Variants in MAX observed in about 807,000 individuals in gnomAD.
MAX encodes protein max.
Under a neutral mutation model 22.3 loss-of-function variants are expected in MAX, and 3 were observed. The observed-to-expected ratio is 0.13, with a 90% CI of 0.06 to 0.35. The LOEUF (loss-of-function observed/expected upper bound fraction) is 0.35. Among genes scored for constraint, MAX ranks in the 10% least tolerant of loss-of-function variants. MAX has a pLI of 1.00. For missense variants in MAX, 119 were observed against 209.4 expected, an observed-to-expected ratio of 0.57 and a Z score of 2.66; for synonymous variants, 72 against 77.7, an observed-to-expected ratio of 0.93 and a Z score of 0.39.
At chr14:65,040,494 A>G (rs886944106) in intron 3 of MAX, among the ~76,000 whole-genome samples, 4 of 151,904 alleles carry the variant, frequency 2.6e-5, no homozygotes, top group African/African-American at 9.7e-5. Flanking sequence ...GGGCTGGAGC[A>G]CAATGGTGTG....
intron 3 of MAX, among the ~76,000 whole-genome samples, chr14:65,017,612 AG>A (rs2061801996): frequency 6.6e-6 from 1 of 152,222 alleles, no homozygotes; most frequent in African/African-American, 2.4e-5. Flanking sequence ...TTTCATTGGA[AG>A]CAATCTAAAT....
chr14:65,044,091 T>C lies in MAX; in HGVS notation c.172-37807A>G, dbSNP rs2062420775. Among the ~76,000 whole-genome samples the C allele has an allele frequency of 6.6e-6, 1 of 152,180 alleles. No homozygotes were observed. Among genetic ancestry groups the C allele is most frequent in the East Asian group, 1.9e-4 (1 of 5,190 alleles). On this transcript the variant is annotated intron_variant, in intron 3 of 3. Transcript: ENST00000341653. The surrounding 1 kb of genome is among the most constrained non-coding windows in gnomAD (Gnocchi z 5.5). The stretch of plus-strand genomic sequence containing the variant: ...TTGTCTGCCAGGCATTGAGCAGAGA[T>C]CAGTGCTGGATGCCTCTACAGCGTT...
In MAX at chr14:65,023,385, C is replaced by T. The variant is rs542547220; in HGVS notation, c.172-17101G>A. On this transcript the variant is annotated intron_variant, in intron 3 of 3. Transcript: ENST00000341653. The surrounding 1 kb of genome is among the most constrained non-coding windows in gnomAD (Gnocchi z 4.1). ...TCAATCACTTTAGATCAGTCCTCAGCCATCACCTAAGAGTCCCAAGTAAAC... is the reference window on the plus strand; with the variant it reads ...TCAATCACTTTAGATCAGTCCTCAGTCATCACCTAAGAGTCCCAAGTAAAC... 1.3e-5 allele frequency among the ~76,000 whole-genome samples: 2 copies of T among 152,262 alleles called. No homozygotes were observed. Among genetic ancestry groups the T allele is most frequent in the African/African-American group, 4.8e-5 (2 of 41,554 alleles).
chr14:65,073,439 G>A (rs752200543), downstream of MAX, among the ~76,000 whole-genome samples: 56 of 152,106 alleles, frequency 3.7e-4, 1 homozygote, highest in Non-Finnish European at 2.6e-4. Context: ...TGGGGTTAGC[G>A]TATCAAGAAC....
rs1442539186 is a variant in MAX, at chr14:65,075,940, T to A, written c.*536A>T. Reference sequence around the variant, plus strand: ...GGATCTGGTCTTTCAATAGGAGCGATACATAGCTTTTTAGAAAAAGGAAAA... The same window carrying A: ...GGATCTGGTCTTTCAATAGGAGCGAAACATAGCTTTTTAGAAAAAGGAAAA... On this transcript the variant is annotated 3_prime_UTR_variant, in exon 5 of 5. Coordinates refer to ENST00000358664, the MANE Select transcript of MAX (RefSeq NM_002382.5). This position sits in a 1 kb window ranked among gnomAD's most constrained non-coding sequence, Gnocchi z 4.1. 2 of 1,072,874 alleles carry A rather than the reference T, an allele frequency of 1.9e-6. No individual in the cohort carries two copies. Among genetic ancestry groups the A allele is most frequent in the Non-Finnish European group, 2.3e-6 (2 of 883,692 alleles). The allele number at this position is 1,072,874 out of a possible 1,614,324, so 66.5% of individuals were successfully genotyped here. A position where few individuals can be genotyped will look rare whatever the true frequency, so the allele number is the denominator to read the frequency against.
chr14:65,069,872 C>G lies in MAX; in HGVS notation c.171+23836G>C, dbSNP rs1252481911. ...CCTTCCTCTCCAAAGTCTCCTACAG[C>G]CTTGCTGCAGTAGGTATTCGCTGTG... On this transcript the variant is annotated intron_variant, in intron 3 of 3. Coordinates refer to the MAX transcript ENST00000341653. This position sits in a 1 kb window ranked among gnomAD's most constrained non-coding sequence, Gnocchi z 4.6. 1.3e-5 allele frequency among the ~76,000 whole-genome samples: 2 copies of G among 152,246 alleles called. No homozygotes were observed. Among genetic ancestry groups the G allele is most frequent in the African/African-American group, 2.4e-5 (1 of 41,464 alleles).
downstream of MAX, among the ~76,000 whole-genome samples, chr14:65,074,616 A>G (rs1351266941): frequency 6.6e-6 from 1 of 152,246 alleles, no homozygotes; most frequent in Non-Finnish European, 1.5e-5. Flanking sequence ...TCCAAGGTCA[A>G]ACAAGTTCAG....
At position 65,088,192 on chromosome 14, in the gene MAX, G is replaced by C. The variant is rs1214116031; in HGVS notation, c.171+5516C>G. ...CAGCACGAAAACGGACTAATACAAG[G>C]GTGTATAGTAACTGGAAGGTTAATG... On this transcript the variant is annotated intron_variant, in intron 3 of 4. Coordinates refer to ENST00000358664, the MANE Select transcript of MAX (RefSeq NM_002382.5). The surrounding 1 kb of genome is among the most constrained non-coding windows in gnomAD (Gnocchi z 5.2). Among the ~76,000 whole-genome samples the C allele has an allele frequency of 6.6e-6, 1 of 152,094 alleles. No individual in the cohort carries two copies. The highest frequency in any genetic ancestry group is 1.5e-5 in the Non-Finnish European group (1 of 68,036).
chr14:65,021,889 G>T, intron 3 of MAX: 1 of 454,802 alleles, frequency 2.2e-6, no homozygotes, highest in Non-Finnish European at 4.4e-6. Context: ...TAAGTGATCC[G>T]CCCACGTCGG....
chr14:65,035,759 C>G (rs149181259), intron 3 of MAX, among the ~76,000 whole-genome samples: 1 of 152,006 alleles, frequency 6.6e-6, no homozygotes, highest in African/African-American at 2.4e-5. Context: ...GGCTTGAACT[C>G]CTGGGCTCAG....
rs2063158872 is a variant in MAX, at chr14:65,079,865, A to G, written c.172-1829T>C. ...GAATTTCCAGGCTTTCCTCTTTAGC[A>G]CCCTTAAGGTAATTTCCTCAAGGAA... On this transcript the variant is annotated intron_variant, in intron 3 of 4. Transcript: ENST00000358664. This position sits in a 1 kb window ranked among gnomAD's most constrained non-coding sequence, Gnocchi z 4.5. 6.6e-6 allele frequency among the ~76,000 whole-genome samples: 1 copy of G among 152,172 alleles called. No individual in the cohort carries two copies. Among genetic ancestry groups the G allele is most frequent in the Non-Finnish European group, 1.5e-5 (1 of 68,018 alleles).
intron 3 of MAX, among the ~76,000 whole-genome samples, chr14:65,087,204 A>G (rs115229125): frequency 0.017 from 2,630 of 152,326 alleles, 45 homozygotes; most frequent in African/African-American, 0.04. Context: ...CAGGGCCCTC[A>G]TGGAGGACCT....
At chr14:65,095,269 ATC>A (rs1222162606) in intron 2 of MAX, among the ~76,000 whole-genome samples, 1 of 152,190 alleles carries the variant, frequency 6.6e-6, no homozygotes, top group Non-Finnish European at 1.5e-5. Flanking sequence ...TCCATAGCAT[ATC>A]TCTCTTTTTG....
At position 65,009,411 on chromosome 14, in the gene MAX, C is replaced by T. The variant is rs114174194; in HGVS notation, c.172-3127G>A. 3.8e-3 allele frequency among the ~76,000 whole-genome samples: 571 copies of T among 152,228 alleles called. 3 individuals are homozygous for T. The highest frequency in any genetic ancestry group is 0.013 in the African/African-American group (531 of 41,528). ...GTAGATTCCCTAACACACCCACCAC[C>T]GTGGCCACTCCACAGCTCTCCCACC... is the stretch of plus-strand genomic sequence containing the variant. On this transcript the variant is annotated intron_variant, in intron 3 of 3. Coordinates refer to the MAX transcript ENST00000341653. The surrounding 1 kb of genome is among the most constrained non-coding windows in gnomAD (Gnocchi z 4.2).
chr14:65,088,455 T>A lies in MAX; in HGVS notation c.171+5253A>T, dbSNP rs1566614507. ...ACTTTAAAAAGATAATTGCCCAAGT[T>A]GGAGTCTGACTAGCTAATATAACCT... On this transcript the variant is annotated intron_variant, in intron 3 of 4. Coordinates refer to ENST00000358664, the MANE Select transcript of MAX (RefSeq NM_002382.5). This position sits in a 1 kb window ranked among gnomAD's most constrained non-coding sequence, Gnocchi z 5.2. Among the ~76,000 whole-genome samples the A allele has an allele frequency of 6.6e-6, 1 of 152,242 alleles. No homozygotes were observed. Among genetic ancestry groups the A allele is most frequent in the Non-Finnish European group, 1.5e-5 (1 of 68,044 alleles).
chr14:65,043,828 C>CAAA (rs749243788), intron 3 of MAX, among the ~76,000 whole-genome samples: 992 of 64,232 alleles, frequency 0.015, 72 homozygotes, highest in Middle Eastern at 0.045. Flanking sequence ...GACTCCGTCT[C>CAAA]AAAAAAAAAA....
intron 3 of MAX, among the ~76,000 whole-genome samples, chr14:65,035,773 A>C (rs936504963): frequency 6.6e-6 from 1 of 151,558 alleles, no homozygotes; most frequent in Non-Finnish European, 1.5e-5. Context: ...GGCTCAGGCT[A>C]TCCACCCACC....
chr14:65,084,250 C>T lies in MAX; in HGVS notation c.172-6214G>A, dbSNP rs763526515. The T allele has an allele frequency of 5.6e-6, 9 of 1,613,790 alleles. No homozygotes were observed. The South Asian group carries it at 8.8e-5, about 16-fold the overall frequency. On this transcript the variant is annotated intron_variant, in intron 3 of 4. Transcript: ENST00000358664. The surrounding 1 kb of genome is among the most constrained non-coding windows in gnomAD (Gnocchi z 4.3). ...GAAGGTGTGGCATTTCTGCATCAAA[C>T]TTTGACGATGAAGGACAGGAGTACA...
Position 65,076,347 on chromosome 14 carries a change from TAAAA to T in MAX, c.*125_*128del. The stretch of plus-strand genomic sequence containing the variant: ...GAGCTTCTACGTAAAAATAAAAATT[TAAAA>T]AAAAAAGGGAGAAAGAGAAAAATAA... On this transcript the variant is annotated 3_prime_UTR_variant, in exon 5 of 5. Transcript: ENST00000358664. This position sits in a 1 kb window ranked among gnomAD's most constrained non-coding sequence, Gnocchi z 6.6. The T allele has an allele frequency of 1.5e-6, 2 of 1,372,414 alleles. No homozygotes were observed. Among genetic ancestry groups the T allele is most frequent in the Non-Finnish European group, 2.0e-6 (2 of 1,017,260 alleles). The allele number at this position is 1,372,414 out of a possible 1,614,324, so 85.0% of individuals were successfully genotyped here. A position where few individuals can be genotyped will look rare whatever the true frequency, so the allele number is the denominator to read the frequency against.
Sources: gnomAD v4.1 joint callset for allele counts (sites outside exome capture counted in the v4.1 genomes callset) on GRCh38, gnomAD v4.1.1 for gene constraint, Gnocchi (gnomAD v3.1) non-coding constraint, MANE v1.5 for transcripts, NCBI Gene and HGNC (gene_info 2026-07-23, HGNC 2026-07-21) for gene names.